Variants in DCP1B observed in about 807,000 individuals in gnomAD.
DCP1B encodes the protein decapping mRNA 1B, also known as mRNA-decapping enzyme 1B.
DCP1B carries 47 observed loss-of-function variants against 60.5 expected under a neutral mutation model. The ratio of observed to expected loss-of-function variants is 0.78; its 90% CI spans 0.61 to 0.99. The LOEUF is 0.99. Ranked by LOEUF, DCP1B falls within the 50% of genes least tolerant of loss-of-function variation. The probability of loss-of-function intolerance (pLI) is 0.00; values close to 1 mark genes in which losing one functional copy is unlikely to be tolerated. For missense variants in DCP1B, 725 were observed against 756.8 expected (o/e 0.96, Z 0.49); for synonymous variants, 267 against 280.3 (o/e 0.95, Z 0.47).
chr12:1,995,204 C>G (rs1317286134), intron 2 of DCP1B, among the ~76,000 whole-genome samples: 6 of 150,602 alleles, frequency 4.0e-5, no homozygotes. Context: ...TGATTTGTTC[C>G]TCTTCCATAG....
intron 3 of DCP1B, among the ~76,000 whole-genome samples, chr12:1,983,678 G>C (rs978376071): frequency 7.9e-5 from 12 of 152,000 alleles, no homozygotes; most frequent in African/African-American, 2.9e-4. Context: ...ACGTGCACTT[G>C]AGAAGAACGT....
At chr12:1,991,643 A>G in intron 3 of DCP1B, 1 of 184,384 alleles carries the variant, frequency 5.4e-6, no homozygotes, top group Non-Finnish European at 1.1e-5. Flanking sequence ...CTAAACGGCC[A>G]CAGTAGTTAG....
intron 7 of DCP1B, chr12:1,950,132 A>T (rs1273625146): frequency 3.5e-6 from 2 of 572,350 alleles, no homozygotes; most frequent in Non-Finnish European, 6.2e-6. Context: ...AAGAACTCCT[A>T]AGAGGGAGGC....
intron 3 of DCP1B, among the ~76,000 whole-genome samples, chr12:1,972,400 C>T (rs2032677010): frequency 6.6e-6 from 1 of 152,096 alleles, no homozygotes; most frequent in South Asian, 2.1e-4. Context: ...ATAAATCTGA[C>T]CACATTGATG....
intron 7 of DCP1B, among the ~76,000 whole-genome samples, chr12:1,950,912 G>T (rs906489953): frequency 1.3e-5 from 2 of 152,126 alleles, no homozygotes; most frequent in African/African-American, 4.8e-5. Context: ...CCTCCAAAGT[G>T]CTGGGATTAC....
At chr12:1,945,977 C>T, downstream of DCP1B, 1 of 351,540 alleles carries the variant, frequency 2.8e-6, no homozygotes, top group Non-Finnish European at 5.1e-6. Flanking sequence ...CATGTGTATA[C>T]CTATGTAACA....
At chr12:1,996,848 C>T (rs2041046205) in intron 2 of DCP1B, among the ~76,000 whole-genome samples, 1 of 152,006 alleles carries the variant, frequency 6.6e-6, no homozygotes, top group South Asian at 2.1e-4. Flanking sequence ...TGTATTGTGG[C>T]TTACCATAAA....
intron 1 of DCP1B, among the ~76,000 whole-genome samples, chr12:1,998,601 C>G (rs1384150712): frequency 6.6e-6 from 1 of 152,154 alleles, no homozygotes; most frequent in Non-Finnish European, 1.5e-5. Context: ...AGTTAGGACT[C>G]AAGAAATCTG....
At chr12:1,958,129 A>G (rs1011087470) in intron 5 of DCP1B, among the ~76,000 whole-genome samples, 1 of 150,150 alleles carries the variant, frequency 6.7e-6, no homozygotes, top group African/African-American at 2.5e-5. Context: ...AAAGCTCCCT[A>G]ACGTCGCTCT....
chr12:1,974,086 A>G (rs2154459674), intron 3 of DCP1B, among the ~76,000 whole-genome samples: 1 of 152,322 alleles, frequency 6.6e-6, no homozygotes, highest in South Asian at 2.1e-4. Context: ...GGACTTTGTT[A>G]AAACACCCAG....
chr12:1,951,267 C>T (rs1387721011), intron 7 of DCP1B, among the ~76,000 whole-genome samples: 13 of 152,106 alleles, frequency 8.5e-5, no homozygotes, highest in Admixed American at 8.5e-4. Context: ...AAGAGTGAAA[C>T]TCTGTCTCAA....
chr12:1,991,330 C>T (rs772481573), intron 3 of DCP1B: 25 of 425,396 alleles, frequency 5.9e-5, no homozygotes, highest in Middle Eastern at 6.8e-4. Flanking sequence ...TTATAAAATA[C>T]GGAAACATAA....
intron 2 of DCP1B, among the ~76,000 whole-genome samples, chr12:1,993,897 T>C (rs750531892): frequency 8.5e-5 from 13 of 152,340 alleles, no homozygotes; most frequent in Middle Eastern, 3.4e-3. Context: ...CTTAGTGATA[T>C]GAAGCAACTC....
chr12:1,985,380 T>C (rs558800650), intron 3 of DCP1B, among the ~76,000 whole-genome samples: 1 of 152,312 alleles, frequency 6.6e-6, no homozygotes, highest in South Asian at 2.1e-4. Flanking sequence ...CTTTCCACTG[T>C]CATCTGCATT....
At chr12:1,966,760 T>C (rs1222933290) in intron 4 of DCP1B, among the ~76,000 whole-genome samples, 2 of 151,714 alleles carry the variant, frequency 1.3e-5, no homozygotes, top group Non-Finnish European at 3.0e-5. Flanking sequence ...TAAATACCAG[T>C]TTGAATACAC....
intron 3 of DCP1B, among the ~76,000 whole-genome samples, chr12:1,969,437 C>T (rs2031675849): frequency 6.6e-6 from 1 of 151,766 alleles, no homozygotes; most frequent in East Asian, 1.9e-4. Flanking sequence ...CCTACCTGCA[C>T]GTGAAGTGGG....
chr12:1,981,163 C>G (rs1011047100), intron 3 of DCP1B, among the ~76,000 whole-genome samples: 4 of 152,122 alleles, frequency 2.6e-5, no homozygotes, highest in African/African-American at 9.7e-5. Flanking sequence ...TACCACTACA[C>G]ATATTAAAGT....
intron 7 of DCP1B, among the ~76,000 whole-genome samples, chr12:1,951,536 C>T: frequency 6.6e-6 from 1 of 152,142 alleles, no homozygotes; most frequent in East Asian, 1.9e-4. Flanking sequence ...TTTCTAAAAA[C>T]TGTCATATTT....
At chr12:1,950,250 C>G (rs2030613775) in intron 7 of DCP1B, 2 of 674,916 alleles carry the variant, frequency 3.0e-6, no homozygotes, top group Non-Finnish European at 5.4e-6. Context: ...TTTAACTTGT[C>G]CCTACATGAC....
Sources: gnomAD v4.1 joint callset for allele counts (sites outside exome capture counted in the v4.1 genomes callset) on GRCh38, gnomAD v4.1.1 for gene constraint, MANE v1.5 for transcripts, NCBI Gene and HGNC (gene_info 2026-07-23, HGNC 2026-07-21) for gene names.